GSAP: variants seen among roughly 807,000 people sequenced by gnomAD.
The protein encoded by GSAP is gamma-secretase-activating protein.
GSAP carries 118 observed loss-of-function variants against 131.7 expected under a neutral mutation model. That is an observed-to-expected ratio of 0.90 (90% confidence interval 0.77 to 1.04). The LOEUF is 1.04. GSAP is among the 50% of genes least tolerant of loss of function. The probability of loss-of-function intolerance (pLI) is 0.00; values close to 1 mark genes in which losing one functional copy is unlikely to be tolerated. For missense variants in GSAP, 1,019 were observed against 1,013.2 expected, an observed-to-expected ratio of 1.01 and a Z score of -0.08; for synonymous variants, 381 against 363.4, an observed-to-expected ratio of 1.05 and a Z score of -0.55.
intron 8 of GSAP, among the ~76,000 whole-genome samples, chr7:77,380,792 G>C (rs915739030): frequency 6.6e-6 from 1 of 152,032 alleles, no homozygotes; most frequent in African/African-American, 2.4e-5. Flanking sequence ...TAGTATGATT[G>C]TATATATGGT....
Position 77,330,359 on chromosome 7 carries a change from G to A in GSAP, c.1554C>T (p.Ser518=). ...DIALPLMKVL[S]FKGYWEKLNS... is the part of the protein sequence containing the mutation. Reference sequence around the variant, plus strand: ...TCAGTTTTTCCCAGTAGCCCTTAAAGCTGAGCACCTGTAGGAGACAAAAAC... The same window carrying A: ...TCAGTTTTTCCCAGTAGCCCTTAAAACTGAGCACCTGTAGGAGACAAAAAC... Residue 518 remains serine, a synonymous_variant, in exon 20 of 31, where the codon AGC becomes AGT. Coordinates refer to ENST00000257626, the MANE Select transcript of GSAP (RefSeq NM_017439.4). 1.9e-6 allele frequency: 3 copies of A among 1,613,458 alleles called. No homozygotes were observed. The highest frequency in any genetic ancestry group is 2.5e-6 in the Non-Finnish European group (3 of 1,179,632).
At chr7:77,311,961 G>A in intron 29 of GSAP, 21 bp from the exon 30 acceptor site, 4 of 1,384,756 alleles carry the variant, frequency 2.9e-6, no homozygotes, top group Non-Finnish European at 4.1e-6. Flanking sequence ...AACCACTTCT[G>A]GTGTAAGCTG....
intron 24 of GSAP, 38 bp downstream of exon 24, chr7:77,323,609 T>A (rs1477480132): frequency 5.1e-6 from 5 of 985,264 alleles, no homozygotes; most frequent in Non-Finnish European, 8.0e-6. Flanking sequence ...GGGAGTGGGG[T>A]GAAGGGGCAT....
In GSAP at chr7:77,311,027, C is replaced by G. The variant is rs1464714408; in HGVS notation, c.*331G>C. 1 of 195,962 alleles carries G rather than the reference C, an allele frequency of 5.1e-6. No homozygotes were observed. The highest frequency in any genetic ancestry group is 2.3e-5 in the African/African-American group (1 of 43,090). 12.1% of individuals were successfully genotyped at this position (195,962 alleles called of 1,614,324 possible). A position where few individuals can be genotyped will look rare whatever the true frequency, so the allele number is the denominator to read the frequency against. On this transcript the variant is annotated 3_prime_UTR_variant, in exon 31 of 31. Transcript: ENST00000257626. ...TTTTTGCTTTTCTAAGCACTGTTCC[C>G]TACATTTTTAAAGCATATTTTATTT...
chr7:77,360,765 G>A lies in GSAP; in HGVS notation c.1027+59C>T, dbSNP rs1794416257. On this transcript the variant is annotated intron_variant, in intron 14 of 30. Transcript: ENST00000257626. The stretch of plus-strand genomic sequence containing the variant: ...AAATGGGATAGTATAGAAGGCTGAG[G>A]TATACCATGCCTAGGAACAAGTGTT... 1.1e-5 allele frequency: 10 copies of A among 879,656 alleles called. No individual in the cohort carries two copies. In the Admixed American group the frequency reaches 1.2e-4, roughly 11 times the overall value. 54.5% of individuals were successfully genotyped at this position (879,656 alleles called of 1,614,324 possible).
intron 10 of GSAP, 52 bp downstream of exon 10, chr7:77,376,796 G>C (rs2051899): frequency 4.1e-6 from 2 of 483,216 alleles, no homozygotes; most frequent in South Asian, 2.7e-5. Context: ...AAAAAAAAAA[G>C]AGAGTAATGT....
chr7:77,387,515 G>A, intron 5 of GSAP, 67 bp from the exon 6 acceptor site: 1 of 858,372 alleles, frequency 1.2e-6, no homozygotes, highest in Non-Finnish European at 2.0e-6. Flanking sequence ...TCCAAAGCAA[G>A]GAGTAAGAAC....
intron 28 of GSAP, among the ~76,000 whole-genome samples, chr7:77,312,881 G>A (rs1038972906): frequency 2.6e-5 from 4 of 152,206 alleles, no homozygotes; most frequent in Non-Finnish European, 5.9e-5. Context: ...TAGAGGCTCG[G>A]AAGACCTTGC....
At chr7:77,320,666 G>A in intron 26 of GSAP, 59 bp downstream of exon 26, 1 of 952,584 alleles carries the variant, frequency 1.0e-6, no homozygotes, top group Non-Finnish European at 1.7e-6. Context: ...CAAAGGCAAG[G>A]GCCCATATGA....
chr7:77,337,525 C>T (rs952580902), intron 19 of GSAP, among the ~76,000 whole-genome samples: 2 of 152,170 alleles, frequency 1.3e-5, no homozygotes, highest in African/African-American at 4.8e-5. Context: ...CTCTGGAGAG[C>T]AGCCCAGGTA....
chr7:77,376,527 G>A (rs944031959), intron 10 of GSAP, among the ~76,000 whole-genome samples: 2 of 152,116 alleles, frequency 1.3e-5, no homozygotes, highest in Non-Finnish European at 2.9e-5. Flanking sequence ...TGTAATCCCA[G>A]CCCTTTGGGA....
chr7:77,408,709 A>AAAAAG (rs1563141853), intron 1 of GSAP, among the ~76,000 whole-genome samples: 1 of 151,050 alleles, frequency 6.6e-6, no homozygotes, highest in Non-Finnish European at 1.5e-5. Flanking sequence ...AAAAAAAAAA[A>AAAAAG]AAAAGAAAAG....
intron 19 of GSAP, among the ~76,000 whole-genome samples, chr7:77,337,920 G>C (rs2150736602): frequency 6.6e-6 from 1 of 152,194 alleles, no homozygotes; most frequent in South Asian, 2.1e-4. Context: ...GGAGGCTGAG[G>C]TGGGATGATC....
intron 12 of GSAP, among the ~76,000 whole-genome samples, chr7:77,362,968 C>T (rs1381013338): frequency 6.6e-6 from 1 of 152,168 alleles, no homozygotes; most frequent in Non-Finnish European, 1.5e-5. Context: ...ATGAGATTCT[C>T]CTAGTAAGCA....
rs367986979 is a variant in GSAP, at chr7:77,352,988, T to C, written c.1447A>G (p.Met483Val). The C allele has an allele frequency of 1.9e-6, 3 of 1,608,538 alleles. No individual in the cohort carries two copies. The highest frequency in any genetic ancestry group is 2.2e-5 in the East Asian group (1 of 44,826). The change falls in exon 18 of 31, where the codon ATG (methionine) becomes GTG (valine). Residue 483 changes from methionine (M) to valine (V), a missense_variant. Met to Val is a conservative substitution (Grantham distance 21, BLOSUM62 1). Transcript: ENST00000257626. ...GAGGAATGTGGCAATAGTTTGTCCA[T>C]GTTACTTGTCTCTGAATATACACTC... is the stretch of plus-strand genomic sequence containing the variant. The part of the protein sequence containing the change: ...YWSVYSETSN[M>V]DKLLPHSSVL...
rs558111477 is a variant in GSAP, at chr7:77,351,566, T to C, written c.1491+1378A>G. The C allele has an allele frequency of 1.9e-5, 19 of 985,804 alleles. No individual in the cohort carries two copies. In the East Asian group the frequency reaches 1.7e-3, roughly 88 times the overall value. The allele number at this position is 985,804 out of a possible 1,614,324, so 61.1% of individuals were successfully genotyped here. A position where few individuals can be genotyped will look rare whatever the true frequency, so the allele number is the denominator to read the frequency against. ...CAACCACAAGAAGTTTAAAGCAACA[T>C]GGCAAACCCCAAGATTAGTTCAGTA... On this transcript the variant is annotated intron_variant, in intron 18 of 30. Transcript: ENST00000257626.
chr7:77,391,167 C>A (rs2151096362), intron 5 of GSAP, among the ~76,000 whole-genome samples: 1 of 145,746 alleles, frequency 6.9e-6, no homozygotes, highest in African/African-American at 2.5e-5. Flanking sequence ...AAAGAATAAC[C>A]ATATATTTGG....
intron 12 of GSAP, among the ~76,000 whole-genome samples, chr7:77,364,314 C>A (rs2150933997): frequency 6.6e-6 from 1 of 152,072 alleles, no homozygotes; most frequent in South Asian, 2.1e-4. Flanking sequence ...CAACATAGAT[C>A]ATAACCTCCA....
chr7:77,346,075 G>C (rs1791767574), intron 19 of GSAP, among the ~76,000 whole-genome samples: 1 of 151,626 alleles, frequency 6.6e-6, no homozygotes, highest in East Asian at 1.9e-4. Context: ...TTCGAGACCA[G>C]CCTGACCAAC....
Sources: gnomAD v4.1 joint callset for allele counts (sites outside exome capture counted in the v4.1 genomes callset) on GRCh38, gnomAD v4.1.1 for gene constraint, MANE v1.5 for transcripts, NCBI Gene and HGNC (gene_info 2026-07-23, HGNC 2026-07-21) for gene names.